Variants in PHLDA3 observed in about 807,000 individuals in gnomAD.
PHLDA3 encodes the protein pleckstrin homology-like domain family A member 3.
PHLDA3 carries 12 observed loss-of-function variants against 7.6 expected under a neutral mutation model. That is an observed-to-expected ratio of 1.58 (90% CI 1.01 to 2.55). The LOEUF (loss-of-function observed/expected upper bound fraction) is 2.55. Ranked by LOEUF, PHLDA3 falls within the 30% of genes most tolerant of loss-of-function variation. The probability of loss-of-function intolerance (pLI) is 0.00; values close to 1 mark genes in which losing one functional copy is unlikely to be tolerated. For synonymous variants in PHLDA3, 104 were observed against 85.1 expected (o/e 1.22, Z -1.23); for missense variants, 177 against 175.6 (o/e 1.01, Z -0.05).
At position 201,468,913 on chromosome 1, in the gene PHLDA3, G is replaced by T; in HGVS notation, c.-127C>A. 9.3e-7 allele frequency: 1 copy of T among 1,073,532 alleles called. No homozygotes were observed. The highest frequency in any genetic ancestry group is 1.2e-6 in the Non-Finnish European group (1 of 812,822). 66.5% of individuals were successfully genotyped at this position (1,073,532 alleles called of 1,614,324 possible). ...CGCGCTGCCCACCTGCGCCCTGACT[G>T]CTCCGCGCACCCACACCGCGGCCCT... On this transcript the variant is annotated 5_prime_UTR_variant, in exon 1 of 2. Coordinates refer to ENST00000367311, the MANE Select transcript of PHLDA3 (RefSeq NM_012396.5).
chr1:201,468,560 A>T lies in PHLDA3; in HGVS notation c.227T>A (p.Val76Glu). The change falls in exon 1 of 2, where the codon GTG (valine) becomes GAG (glutamate). Residue 76 changes from valine to glutamate, a missense_variant. Val to Glu is a moderately radical substitution (Grantham distance 121, BLOSUM62 -2). Transcript: ENST00000367311. ...GTCGATCTCGCCGCCCCCTTCGGTC[A>T]CCAGCGTGAAGTAGATGTGGCGCCC... ...STGRHIYFTLVTEGGGEIDFR... is the reference protein window; with the variant it reads ...STGRHIYFTLETEGGGEIDFR... 6.2e-7 allele frequency: 1 copy of T among 1,613,936 alleles called. No individual in the cohort carries two copies. The highest frequency in any genetic ancestry group is 1.3e-5 in the African/African-American group (1 of 75,004).
Position 201,468,606 on chromosome 1 carries a change from C to A in PHLDA3, c.181G>T (p.Val61Leu). The change falls in exon 1 of 2, where the codon GTG becomes TTG. Residue 61 changes from valine (V) to leucine (L), a missense_variant. Transcript: ENST00000367311. Reference protein sequence around the residue: ...KELSFARIKAVECVESTGRHI... With the variant: ...KELSFARIKALECVESTGRHI... ...CGCCCGGTGCTCTCCACGCACTCCA[C>A]GGCCTTGATGCGGGCGAAGCTGAGC... The A allele has an allele frequency of 1.2e-6, 2 of 1,613,808 alleles. No individual in the cohort carries two copies. Among genetic ancestry groups the A allele is most frequent in the Non-Finnish European group, 1.7e-6 (2 of 1,180,010 alleles).
chr1:201,467,636 CCATACACA>C (rs752137436), intron 1 of PHLDA3: 1 of 87,772 alleles, frequency 1.1e-5, no homozygotes, highest in Non-Finnish European at 2.2e-5. Context: ...CAACAACAAA[CCATACACA>C]CACACACACA....
In PHLDA3 at chr1:201,468,585, C is replaced by T. The variant is rs977054068; in HGVS notation, c.202G>A (p.Gly68Arg). ...ACCAGCGTGAAGTAGATGTGGCGCC[C>T]GGTGCTCTCCACGCACTCCACGGCC... ...IKAVECVEST[G>R]RHIYFTLVTE... Residue 68 changes from glycine to arginine, a missense_variant, in exon 1 of 2, where the codon GGG (glycine) becomes AGG (arginine). Transcript: ENST00000367311. 1 of 1,613,790 alleles carries T rather than the reference C, an allele frequency of 6.2e-7. No individual in the cohort carries two copies. Among genetic ancestry groups the T allele is most frequent in the Non-Finnish European group, 8.5e-7 (1 of 1,180,030 alleles).
intron 1 of PHLDA3, among the ~76,000 whole-genome samples, chr1:201,467,851 A>C (rs924495286): frequency 1.3e-5 from 2 of 152,132 alleles, no homozygotes; most frequent in African/African-American, 4.8e-5. Context: ...CATCAATTCA[A>C]TGCTCAAACT....
In PHLDA3 at chr1:201,468,765, T is replaced by C. The variant is rs2102394809; in HGVS notation, c.22A>G (p.Thr8Ala). ...TCCAGCACGCCCTCCTTGAGCACGGTAGCCGTCGCCGCCGCCGTCATGGGC... is the reference window on the plus strand; with the variant it reads ...TCCAGCACGCCCTCCTTGAGCACGGCAGCCGTCGCCGCCGCCGTCATGGGC... MTAAATA[T>A]VLKEGVLEKR... The change falls in exon 1 of 2, where the codon ACC becomes GCC. Residue 8 changes from threonine (T) to alanine (A), a missense_variant. Transcript: ENST00000367311. 1.3e-6 allele frequency: 2 copies of C among 1,571,146 alleles called. No individual in the cohort carries two copies. Among genetic ancestry groups the C allele is most frequent in the South Asian group, 1.1e-5 (1 of 88,114 alleles).
chr1:201,467,583 C>A (rs1337097498), intron 1 of PHLDA3: 1 of 153,454 alleles, frequency 6.5e-6, no homozygotes, highest in African/African-American at 2.4e-5. Flanking sequence ...TGTACTCCAG[C>A]CTGGGTGACA....
chr1:201,468,853 C>A lies in PHLDA3; in HGVS notation c.-67G>T. The A allele has an allele frequency of 7.1e-7, 1 of 1,412,480 alleles. No individual in the cohort carries two copies. Among genetic ancestry groups the A allele is most frequent in the Non-Finnish European group, 9.1e-7 (1 of 1,094,886 alleles). The allele number at this position is 1,412,480 out of a possible 1,614,324, so 87.5% of individuals were successfully genotyped here. ...CGCGGCGCCCCTCTCGGCCCCGCAGCGCAGGATTCTGGCGCCCCGGGCTGG... is the reference window on the plus strand; with the variant it reads ...CGCGGCGCCCCTCTCGGCCCCGCAGAGCAGGATTCTGGCGCCCCGGGCTGG... On this transcript the variant is annotated 5_prime_UTR_variant, in exon 1 of 2. Transcript: ENST00000367311.
In PHLDA3 at chr1:201,468,972, C is replaced by T. The variant is rs1663757267; in HGVS notation, c.-186G>A. 5 of 538,408 alleles carry T rather than the reference C, an allele frequency of 9.3e-6. No homozygotes were observed. Among genetic ancestry groups the T allele is most frequent in the Non-Finnish European group, 1.4e-5 (5 of 347,576 alleles). 33.4% of individuals were successfully genotyped at this position (538,408 alleles called of 1,614,324 possible). A position where few individuals can be genotyped will look rare whatever the true frequency, so the allele number is the denominator to read the frequency against. ...GGCTGCCGGTGAGGTGGTGTCGGTG[C>T]CCCCAGCGCGCTCCGCGCCCACCGC... On this transcript the variant is annotated 5_prime_UTR_variant, in exon 1 of 2. Transcript: ENST00000367311.
Position 201,468,744 on chromosome 1 carries a change from G to C in PHLDA3, c.43C>G (p.Leu15Val), listed in dbSNP as rs768794496. 9.4e-6 allele frequency: 15 copies of C among 1,594,028 alleles called. No homozygotes were observed. Among genetic ancestry groups the C allele is most frequent in the Non-Finnish European group, 1.3e-5 (15 of 1,175,608 alleles). ...ATATVLKEGV[L>V]EKRSGGLLQL... ...AGCAGCCCGCCGCTGCGCTTCTCCA[G>C]CACGCCCTCCTTGAGCACGGTAGCC... is the stretch of plus-strand genomic sequence containing the variant. Residue 15 changes from leucine to valine, a missense_variant, in exon 1 of 2, where the codon CTG (leucine) becomes GTG (valine). Leu to Val is a conservative substitution (Grantham distance 32, BLOSUM62 1). Transcript: ENST00000367311.
chr1:201,468,652 G>C lies in PHLDA3; in HGVS notation c.135C>G (p.Gly45=), dbSNP rs578210177. The C allele has an allele frequency of 6.2e-7, 1 of 1,612,884 alleles. No homozygotes were observed. Among genetic ancestry groups the C allele is most frequent in the African/African-American group, 1.3e-5 (1 of 75,034 alleles). The change falls in exon 1 of 2, where the codon GGC becomes GGG. Residue 45 remains glycine, a synonymous_variant. Transcript: ENST00000367311. ...ERGLQLFEAK[G]TGGRPKELSF... is the part of the protein sequence containing the mutation. ...TGAGCTCCTTGGGCCGGCCGCCCGT[G>C]CCCTTGGCCTCGAAGAGCTGCAGCC...
chr1:201,465,522 TC>T lies in PHLDA3; in HGVS notation c.*718del, dbSNP rs1663638457. Reference sequence around the variant, plus strand: ...GGTTACTGCCCTTTGCAGGGCATCTTCATTTGGGGAAAGACATGAAATGCTA... The same window carrying T: ...GGTTACTGCCCTTTGCAGGGCATCTTATTTGGGGAAAGACATGAAATGCTA... On this transcript the variant is annotated 3_prime_UTR_variant, in exon 2 of 2. Coordinates refer to ENST00000367311, the MANE Select transcript of PHLDA3 (RefSeq NM_012396.5). 6.5e-6 allele frequency: 1 copy of T among 154,864 alleles called. No individual in the cohort carries two copies. The highest frequency in any genetic ancestry group is 2.0e-4 in the South Asian group (1 of 4,926). The allele number at this position is 154,864 out of a possible 1,614,324, so 9.6% of individuals were successfully genotyped here.
Position 201,468,941 on chromosome 1 carries a change from G to C in PHLDA3, c.-155C>G, listed in dbSNP as rs1233532693. Reference sequence around the variant, plus strand: ...CCGCGCACCCACACCGCGGCCCTCAGCACCCGGCTGCCGGTGAGGTGGTGT... The same window carrying C: ...CCGCGCACCCACACCGCGGCCCTCACCACCCGGCTGCCGGTGAGGTGGTGT... On this transcript the variant is annotated 5_prime_UTR_variant, in exon 1 of 2. Coordinates refer to ENST00000367311, the MANE Select transcript of PHLDA3 (RefSeq NM_012396.5). 3 of 799,008 alleles carry C rather than the reference G, an allele frequency of 3.8e-6. No homozygotes were observed. Among genetic ancestry groups the C allele is most frequent in the Non-Finnish European group, 5.2e-6 (3 of 578,690 alleles). 49.5% of individuals were successfully genotyped at this position (799,008 alleles called of 1,614,324 possible). A position where few individuals can be genotyped will look rare whatever the true frequency, so the allele number is the denominator to read the frequency against.
At position 201,468,701 on chromosome 1, in the gene PHLDA3, T is replaced by C. The variant is rs540961507; in HGVS notation, c.86A>G (p.Lys29Arg). 3.7e-6 allele frequency: 6 copies of C among 1,609,230 alleles called. No homozygotes were observed. The highest frequency in any genetic ancestry group is 3.3e-5 in the Admixed American group (2 of 59,910). The change falls in exon 1 of 2, where the codon AAG becomes AGG. Residue 29 changes from lysine (K) to arginine (R), a missense_variant. Coordinates refer to ENST00000367311, the MANE Select transcript of PHLDA3 (RefSeq NM_012396.5). ...CCCGCGTTCGGTGAGGACGCAGCGCTTCCGCTTCCACAGCTGCAGCAGCCC... is the reference window on the plus strand; with the variant it reads ...CCCGCGTTCGGTGAGGACGCAGCGCCTCCGCTTCCACAGCTGCAGCAGCCC... ...SGGLLQLWKR[K>R]RCVLTERGLQ...
chr1:201,468,568 G>C lies in PHLDA3; in HGVS notation c.219C>G (p.Phe73Leu), dbSNP rs1366453761. The C allele has an allele frequency of 1.9e-6, 3 of 1,614,030 alleles. No individual in the cohort carries two copies. Among genetic ancestry groups the C allele is most frequent in the Non-Finnish European group, 2.5e-6 (3 of 1,180,024 alleles). The change falls in exon 1 of 2, where the codon TTC becomes TTG. Residue 73 changes from phenylalanine to leucine, a missense_variant. By Grantham distance (22) the Phe-to-Leu change is conservative (BLOSUM62 0). Coordinates refer to ENST00000367311, the MANE Select transcript of PHLDA3 (RefSeq NM_012396.5). The part of the protein sequence containing the change: ...CVESTGRHIY[F>L]TLVTEGGGEI... ...CGCCGCCCCCTTCGGTCACCAGCGT[G>C]AAGTAGATGTGGCGCCCGGTGCTCT...
intron 1 of PHLDA3, chr1:201,467,731 CCCACTGAGGCCCCACCTT>C (rs973237329): frequency 1.8e-4 from 27 of 153,588 alleles, no homozygotes; most frequent in Admixed American, 9.8e-4. Context: ...GCCAAGGCGG[CCCACTGAGGCCCCACCTT>C]CCACTGAGGC....
At position 201,468,406 on chromosome 1, in the gene PHLDA3, G is replaced by T; in HGVS notation, c.381C>A (p.Ser127=). Reference sequence around the variant, plus strand: ...GAAAGATGGTGCGCCCGGTGGTTTAGGACACGAGGGTCCCGGTCCCGAGGC... The same window carrying T: ...GAAAGATGGTGCGCCCGGTGGTTTATGACACGAGGGTCCCGGTCCCGAGGC... ...RQSLGTGTLV[S] The change falls in exon 1 of 2, where the codon TCC becomes TCA. Residue 127 remains serine (S), a synonymous_variant. Transcript: ENST00000367311. 1 of 1,613,868 alleles carries T rather than the reference G, an allele frequency of 6.2e-7. No homozygotes were observed.
Position 201,468,727 on chromosome 1 carries a change from G to A in PHLDA3, c.60C>T (p.Gly20=). 2 of 1,601,662 alleles carry A rather than the reference G, an allele frequency of 1.2e-6. No individual in the cohort carries two copies. The highest frequency in any genetic ancestry group is 1.7e-6 in the Non-Finnish European group (2 of 1,177,896). Residue 20 remains glycine, a synonymous_variant, in exon 1 of 2, where the codon GGC becomes GGT. Coordinates refer to ENST00000367311, the MANE Select transcript of PHLDA3 (RefSeq NM_012396.5). ...LKEGVLEKRS[G]GLLQLWKRKR... ...TCCGCTTCCACAGCTGCAGCAGCCC[G>A]CCGCTGCGCTTCTCCAGCACGCCCT...
Position 201,464,509 on chromosome 1 carries a change from G to C in PHLDA3, c.*1732C>G, listed in dbSNP as rs1161598024. 6.6e-6 allele frequency: 1 copy of C among 152,268 alleles called. No homozygotes were observed. The highest frequency in any genetic ancestry group is 2.4e-5 in the African/African-American group (1 of 41,468). 9.4% of individuals were successfully genotyped at this position (152,268 alleles called of 1,614,324 possible). On this transcript the variant is annotated 3_prime_UTR_variant, in exon 2 of 2. Coordinates refer to ENST00000367311, the MANE Select transcript of PHLDA3 (RefSeq NM_012396.5). ...GTGGACTCTGAGGGACTGGGGCACAGGACAGGGAAGTTTTTATTGGAAGGC... is the reference window on the plus strand; with the variant it reads ...GTGGACTCTGAGGGACTGGGGCACACGACAGGGAAGTTTTTATTGGAAGGC...
Sources: allele counts gnomAD v4.1 joint callset (sites outside exome capture counted in the v4.1 genomes callset), GRCh38; gene constraint gnomAD v4.1.1; transcripts MANE v1.5; gene names NCBI Gene and HGNC (gene_info 2026-07-23, HGNC 2026-07-21).